Variants in PHIP observed in about 807,000 individuals in gnomAD.
PHIP encodes PHIP subunit of CUL4-Ring ligase complex.
PHIP carries 54 observed loss-of-function variants against 236.8 expected under a neutral mutation model. That is an observed-to-expected ratio of 0.23 (90% CI 0.18 to 0.29). The LOEUF is 0.29. Ranked by LOEUF, PHIP falls within the 10% of genes least tolerant of loss-of-function variation. The probability of loss-of-function intolerance (pLI) is 1.00; values close to 1 mark genes in which losing one functional copy is unlikely to be tolerated. For missense variants in PHIP, 1,370 were observed against 2,190.8 expected (o/e 0.63, Z 7.48); for synonymous variants, 756 against 718.9 (o/e 1.05, Z -0.83).
chr6:79,071,946 T>C lies in PHIP; in HGVS notation c.189+5502A>G, dbSNP rs192026301. 9.4e-5 allele frequency among the ~76,000 whole-genome samples: 14 copies of C among 149,668 alleles called. No homozygotes were observed. The Middle Eastern group carries it at 0.01, about 110-fold the overall frequency. On this transcript the variant is annotated intron_variant, in intron 4 of 39. Transcript: ENST00000275034. ...TATTCATCCACAACTTTCCAGATTA[T>C]GAAAAAAAAAAAGAAAACCAAAAAC...
intron 4 of PHIP, among the ~76,000 whole-genome samples, chr6:79,074,351 G>A (rs1171331277): frequency 1.3e-5 from 2 of 151,816 alleles, no homozygotes; most frequent in Non-Finnish European, 2.9e-5. Context: ...TCTAGATCTC[G>A]TAAATATGCA....
In PHIP at chr6:79,026,175, G is replaced by A; in HGVS notation, c.601-11C>T. On this transcript the variant is annotated splice_polypyrimidine_tract_variant and intron_variant, in intron 7 of 39. Transcript: ENST00000275034. The stretch of plus-strand genomic sequence containing the variant: ...ACAGTCATCAGAACCCTTAAAGTAA[G>A]AATGGATATTAATAGAATTAACCCC... 6.4e-7 allele frequency: 1 copy of A among 1,567,860 alleles called. No individual in the cohort carries two copies. The highest frequency in any genetic ancestry group is 8.8e-7 in the Non-Finnish European group (1 of 1,138,246).
At chr6:79,037,076 A>T (rs192897591) in intron 7 of PHIP, among the ~76,000 whole-genome samples, 9 of 152,266 alleles carry the variant, frequency 5.9e-5, no homozygotes, top group Admixed American at 2.0e-4. Context: ...TACTGGTAAC[A>T]TCCAAATCTA....
intron 15 of PHIP, among the ~76,000 whole-genome samples, chr6:79,014,629 A>G (rs1480948760): frequency 6.6e-6 from 1 of 151,858 alleles, no homozygotes; most frequent in East Asian, 1.9e-4. Flanking sequence ...AATATTTAAT[A>G]TACTACCAAT....
At chr6:78,946,633 A>T (rs1304894903) in intron 37 of PHIP, 78 bp downstream of exon 37, 16 of 1,470,128 alleles carry the variant, frequency 1.1e-5, no homozygotes, top group South Asian at 1.5e-5. Context: ...TAGTAAAGGA[A>T]GTATTAAAAA....
In PHIP at chr6:78,972,435, G is replaced by A. The variant is rs552286495; in HGVS notation, c.2890-1547C>T. ...AAACCACAAAGATGGGGAAAAAACA[G>A]AACAGAAAAACTGGAAACTCTAAAA... On this transcript the variant is annotated intron_variant, in intron 24 of 39. Transcript: ENST00000275034. Among the ~76,000 whole-genome samples, 5 of 152,274 alleles carry A rather than the reference G, an allele frequency of 3.3e-5. No homozygotes were observed. The East Asian group carries it at 9.7e-4, about 29-fold the overall frequency.
chr6:78,988,097 TG>T (rs766420183), intron 21 of PHIP, 111 bp downstream of exon 21: 9 of 653,432 alleles, frequency 1.4e-5, no homozygotes, highest in Non-Finnish European at 2.1e-5. Flanking sequence ...GACCCCAAAA[TG>T]CCATATTTAA....
chr6:78,994,176 AAATG>A (rs1400964335), intron 19 of PHIP, among the ~76,000 whole-genome samples: 1 of 152,248 alleles, frequency 6.6e-6, no homozygotes, highest in African/African-American at 2.4e-5. Flanking sequence ...ATAAAACTTT[AAATG>A]AATGAGGAGT....
intron 2 of PHIP, 28 bp downstream of exon 2, chr6:79,077,827 G>GCCCGGCCCGCGCCGCGCGCCGC: frequency 7.3e-7 from 1 of 1,364,252 alleles, no homozygotes; most frequent in East Asian, 3.3e-5. Flanking sequence ...GCGAGCGCCG[G>GCCCGGCCCGCGCCGCGCGCCGC]CCCGGCCCGC....
intron 24 of PHIP, among the ~76,000 whole-genome samples, chr6:78,971,103 A>C (rs966643759): frequency 6.6e-6 from 1 of 152,192 alleles, no homozygotes; most frequent in Admixed American, 6.5e-5. Context: ...CACACTTATA[A>C]GTTAAGATGA....
rs765163774 is a variant in PHIP, at chr6:79,077,825, C to T, written c.99+30G>A. Reference sequence around the variant, plus strand: ...CCCCACGCCCGCGAGCGGCGAGCGCCGGCCCGGCCCGCGCCGCGCGCCGCC... The same window carrying T: ...CCCCACGCCCGCGAGCGGCGAGCGCTGGCCCGGCCCGCGCCGCGCGCCGCC... On this transcript the variant is annotated intron_variant, in intron 2 of 39. Transcript: ENST00000275034. The T allele has an allele frequency of 5.3e-6, 7 of 1,313,834 alleles. 1 individual carries two copies. In the Admixed American group the frequency reaches 1.5e-4, roughly 27 times the overall value. 81.4% of individuals were successfully genotyped at this position (1,313,834 alleles called of 1,614,324 possible).
intron 27 of PHIP, among the ~76,000 whole-genome samples, chr6:78,968,132 C>A (rs1767268668): frequency 6.6e-6 from 1 of 152,012 alleles, no homozygotes; most frequent in Non-Finnish European, 1.5e-5. Flanking sequence ...GAGACTCCAT[C>A]TCAAAAATAA....
At chr6:78,987,423 C>G (rs777250869) in intron 21 of PHIP, among the ~76,000 whole-genome samples, 26 of 152,172 alleles carry the variant, frequency 1.7e-4, no homozygotes, top group South Asian at 4.1e-4. Context: ...CTATTGGAGA[C>G]TAACTTAAAT....
In PHIP at chr6:78,988,277, T is replaced by C. The variant is rs1768988763; in HGVS notation, c.2392A>G (p.Thr798Ala). ...KQQTNQHNYR[T>A]RSALEETPRP... ...GGAGTCTCTTCCAATGCAGATCTTG[T>C]ACGATAATTGTGTTGATTTGTCTGT... The change falls in exon 21 of 40, where the codon ACA becomes GCA. Residue 798 changes from threonine to alanine, a missense_variant. Physicochemically the swap from Thr to Ala is moderately conservative, Grantham distance 58. This residue lies in a region of PHIP where 99 missense variants were observed against 110.0 expected (regional missense o/e 0.90). Transcript: ENST00000275034. The C allele has an allele frequency of 6.2e-7, 1 of 1,608,440 alleles. No homozygotes were observed. Among genetic ancestry groups the C allele is most frequent in the Non-Finnish European group, 8.5e-7 (1 of 1,175,864 alleles).
At chr6:79,042,812 G>A in intron 7 of PHIP, 31 bp downstream of exon 7, 1 of 1,475,734 alleles carries the variant, frequency 6.8e-7, no homozygotes, top group Non-Finnish European at 9.2e-7. Flanking sequence ...TTACATATAT[G>A]AATATAAATA....
intron 9 of PHIP, among the ~76,000 whole-genome samples, chr6:79,022,687 T>C (rs1433142605): frequency 1.3e-5 from 2 of 152,198 alleles, no homozygotes; most frequent in Non-Finnish European, 2.9e-5. Flanking sequence ...CTAAATATAC[T>C]TGGACAGCTT....
At chr6:79,037,418 C>T (rs1315154638) in intron 7 of PHIP, among the ~76,000 whole-genome samples, 1 of 152,174 alleles carries the variant, frequency 6.6e-6, no homozygotes, top group Non-Finnish European at 1.5e-5. Context: ...CATCCCAGAG[C>T]TAGTGAAGTT....
chr6:79,033,047 T>C (rs1184838628), intron 7 of PHIP, among the ~76,000 whole-genome samples: 1 of 152,036 alleles, frequency 6.6e-6, no homozygotes, highest in Non-Finnish European at 1.5e-5. Flanking sequence ...TGAACAGTAA[T>C]ATCTTGAAAG....
intron 29 of PHIP, among the ~76,000 whole-genome samples, chr6:78,964,223 T>TA (rs557744299): frequency 1.3e-4 from 19 of 151,406 alleles, no homozygotes; most frequent in East Asian, 7.7e-4. Context: ...AGCAGTGAGA[T>TA]AAAAAAAAAT....
Sources: gnomAD v4.1 joint callset for allele counts (sites outside exome capture counted in the v4.1 genomes callset) on GRCh38, gnomAD v4.1.1 for gene constraint, gnomAD v4.1.1 regional missense constraint, MANE v1.5 for transcripts, NCBI Gene and HGNC (gene_info 2026-07-23, HGNC 2026-07-21) for gene names.